The following PRDM16 variants were observed in gnomAD, a reference collection of about 807,000 sequenced individuals.
PRDM16 encodes the protein PR/SET domain 16.
Under a neutral mutation model 110.6 loss-of-function variants are expected in PRDM16, and 23 were observed. The ratio of observed to expected loss-of-function variants is 0.21; its 90% CI spans 0.15 to 0.29. The LOEUF is 0.29. PRDM16 is among the 10% of genes least tolerant of loss of function. The pLI, the probability that PRDM16 is intolerant of heterozygous loss-of-function variation, is 1.00. For missense variants in PRDM16, 1,615 were observed against 1,794.3 expected, an observed-to-expected ratio of 0.90 and a Z score of 1.81; for synonymous variants, 799 against 781.8, an observed-to-expected ratio of 1.02 and a Z score of -0.37.
chr1:3,128,867 T>C (rs140396632), intron 1 of PRDM16, among the ~76,000 whole-genome samples: 2 of 152,336 alleles, frequency 1.3e-5, no homozygotes, highest in East Asian at 1.9e-4. Context: ...CGGCCCTCAC[T>C]AACACCAGTC....
chr1:3,357,105 C>T (rs1254350670), intron 3 of PRDM16, among the ~76,000 whole-genome samples: 1 of 152,120 alleles, frequency 6.6e-6, no homozygotes, highest in African/African-American at 2.4e-5. Context: ...TGCGAAGGAC[C>T]CCCAGCCCCA....
chr1:3,199,006 C>A lies in PRDM16; in HGVS notation c.387+12532C>A, dbSNP rs183029446. 6.6e-4 allele frequency among the ~76,000 whole-genome samples: 100 copies of A among 152,280 alleles called. No individual in the cohort carries two copies. In the East Asian group the frequency reaches 0.012, roughly 19 times the overall value. On this transcript the variant is annotated intron_variant, in intron 2 of 16. Transcript: ENST00000270722. ...CGGCAGCAGCTGAGATAAACCCTCA[C>A]CCAGAACAAAGTCGAAATGACCTTT...
intron 2 of PRDM16, among the ~76,000 whole-genome samples, chr1:3,195,081 G>A (rs550284305): frequency 7.2e-5 from 11 of 152,322 alleles, no homozygotes; most frequent in South Asian, 6.2e-4. Flanking sequence ...AGCCAGCACC[G>A]GGCAGCTCGG....
intron 4 of PRDM16, among the ~76,000 whole-genome samples, chr1:3,391,389 T>A (rs573839107): frequency 1.6e-3 from 251 of 152,306 alleles, no homozygotes; most frequent in African/African-American, 5.8e-3. Flanking sequence ...AATTCAACTG[T>A]GCCGTCTGAA....
intron 2 of PRDM16, among the ~76,000 whole-genome samples, chr1:3,195,313 C>T (rs1034887277): frequency 2.0e-5 from 3 of 152,154 alleles, no homozygotes; most frequent in Non-Finnish European, 4.4e-5. Context: ...GCCATGAAAT[C>T]CTGCACTATC....
At chr1:3,118,599 G>A (rs1033372226) in intron 1 of PRDM16, among the ~76,000 whole-genome samples, 7 of 152,208 alleles carry the variant, frequency 4.6e-5, no homozygotes, top group East Asian at 3.9e-4. Context: ...AGGCAAAGCC[G>A]GGAAAGAACC....
chr1:3,291,004 G>T (rs762882265), intron 3 of PRDM16, among the ~76,000 whole-genome samples: 2 of 151,846 alleles, frequency 1.3e-5, no homozygotes, highest in African/African-American at 4.8e-5. Flanking sequence ...CAGGGGCCTG[G>T]GAGAGGCCAT....
intron 7 of PRDM16, among the ~76,000 whole-genome samples, chr1:3,405,207 G>C (rs1008851395): frequency 2.6e-5 from 4 of 152,206 alleles, no homozygotes; most frequent in Non-Finnish European, 5.9e-5. Flanking sequence ...GAGCCCGCCA[G>C]GGTCTCAGCA....
chr1:3,264,718 G>A (rs1431565219), intron 3 of PRDM16, among the ~76,000 whole-genome samples: 1 of 152,080 alleles, frequency 6.6e-6, no homozygotes, highest in East Asian at 1.9e-4. Flanking sequence ...GGCGTGGAGG[G>A]GGCTTGCAGG....
chr1:3,087,619 C>CA (rs1642180490), intron 1 of PRDM16, among the ~76,000 whole-genome samples: 1 of 152,130 alleles, frequency 6.6e-6, no homozygotes, highest in African/African-American at 2.4e-5. Flanking sequence ...CATTCTTAGT[C>CA]AAAAATGCCC....
At chr1:3,235,459 T>C (rs1349359511) in intron 2 of PRDM16, among the ~76,000 whole-genome samples, 1 of 152,104 alleles carries the variant, frequency 6.6e-6, no homozygotes, top group African/African-American at 2.4e-5. Context: ...GAGGAAGGTG[T>C]CCACAGAGGG....
chr1:3,321,451 T>G (rs1557606136), intron 3 of PRDM16, among the ~76,000 whole-genome samples: 2 of 149,476 alleles, frequency 1.3e-5, no homozygotes, highest in African/African-American at 5.0e-5. Context: ...TTTGTGTTTG[T>G]GGGGGGCACA....
At chr1:3,416,108 C>G (rs1485704968) in intron 10 of PRDM16, among the ~76,000 whole-genome samples, 2 of 152,224 alleles carry the variant, frequency 1.3e-5, no homozygotes, top group Non-Finnish European at 2.9e-5. Context: ...GAGGGGAGGC[C>G]TTGGCCACTG....
intron 3 of PRDM16, among the ~76,000 whole-genome samples, chr1:3,352,285 C>G (rs1642510145): frequency 6.6e-6 from 1 of 152,122 alleles, no homozygotes; most frequent in Non-Finnish European, 1.5e-5. Flanking sequence ...AATTCTGCCC[C>G]CATCCCAGCC....
intron 3 of PRDM16, among the ~76,000 whole-genome samples, chr1:3,356,578 G>A (rs1642607418): frequency 6.6e-6 from 1 of 152,234 alleles, no homozygotes; most frequent in Non-Finnish European, 1.5e-5. Flanking sequence ...CAGCTGCCAA[G>A]ACAGCCCATG....
At chr1:3,105,715 C>G (rs1325611281) in intron 1 of PRDM16, among the ~76,000 whole-genome samples, 2 of 152,250 alleles carry the variant, frequency 1.3e-5, no homozygotes, top group Non-Finnish European at 2.9e-5. Flanking sequence ...ACATTCCTAA[C>G]TCGGCCCACA....
chr1:3,175,280 A>C lies in PRDM16; in HGVS notation c.38-10845A>C, dbSNP rs1161857168. Among the ~76,000 whole-genome samples the C allele has an allele frequency of 6.6e-6, 1 of 152,146 alleles. No homozygotes were observed. The highest frequency in any genetic ancestry group is 1.9e-4 in the East Asian group (1 of 5,192). ...GCCGCTCCAGGAGCCCTCCCACTGA[A>C]GAAGGGCCTTCTGTTCACCAGGGTA... is the stretch of plus-strand genomic sequence containing the variant. On this transcript the variant is annotated intron_variant, in intron 1 of 16. Coordinates refer to ENST00000270722, the MANE Select transcript of PRDM16 (RefSeq NM_022114.4). This position sits in a 1 kb window ranked among gnomAD's most constrained non-coding sequence, Gnocchi z 4.8.
intron 2 of PRDM16, among the ~76,000 whole-genome samples, chr1:3,239,918 A>T (rs976115585): frequency 2.6e-5 from 4 of 151,526 alleles, no homozygotes; most frequent in Non-Finnish European, 5.9e-5. Context: ...ACTGCACTCT[A>T]GCCTGGAGGC....
Position 3,321,139 on chromosome 1 carries a change from C to G in PRDM16, c.439-64013C>G, listed in dbSNP as rs75019733. On this transcript the variant is annotated intron_variant, in intron 3 of 16. Coordinates refer to ENST00000270722, the MANE Select transcript of PRDM16 (RefSeq NM_022114.4). ...CACAAAGGAAGAGGAACAGAGGGATCGGAGAAGTTGGGAGAGGGGAATCTG... is the reference window on the plus strand; with the variant it reads ...CACAAAGGAAGAGGAACAGAGGGATGGGAGAAGTTGGGAGAGGGGAATCTG... Among the ~76,000 whole-genome samples the G allele has an allele frequency of 2.6e-5, 4 of 152,154 alleles. 1 individual carries two copies. The highest frequency in any genetic ancestry group is 5.9e-5 in the Non-Finnish European group (4 of 68,034).
Sources: allele counts gnomAD v4.1 joint callset (sites outside exome capture counted in the v4.1 genomes callset), GRCh38; gene constraint gnomAD v4.1.1; non-coding constraint Gnocchi (gnomAD v3.1); transcripts MANE v1.5; gene names NCBI Gene and HGNC (gene_info 2026-07-23, HGNC 2026-07-21).